CIC: variants seen among roughly 807,000 people sequenced by gnomAD.
CIC encodes capicua transcriptional repressor.
A neutral mutation model predicts 115.7 loss-of-function variants in CIC; 18 were observed. The observed-to-expected ratio is 0.16, with a 90% confidence interval of 0.11 to 0.23. CIC has a LOEUF of 0.23. CIC is among the 10% of genes least tolerant of loss of function. The pLI, the probability that CIC is intolerant of heterozygous loss-of-function variation, is 1.00. For synonymous variants in CIC, 1,076 were observed against 923.0 expected, an observed-to-expected ratio of 1.17 and a Z score of -3.01; for missense variants, 2,000 against 2,159.3, an observed-to-expected ratio of 0.93 and a Z score of 1.46.
chr19:42,289,449 G>A (rs1231530338), intron 9 of CIC, 43 bp downstream of exon 9: 1 of 1,546,292 alleles, frequency 6.5e-7, no homozygotes, highest in Non-Finnish European at 8.8e-7. Context: ...GACCCAGCAG[G>A]CCAAGGCTCA....
Position 42,290,498 on chromosome 19 carries a change from G to C in CIC, c.4457G>C (p.Gly1486Ala). Residue 1486 changes from glycine to alanine, a missense_variant, in exon 11 of 21, where the codon GGG becomes GCG. This residue lies in a region of CIC where 1,466 missense variants were observed against 1,390.4 expected (regional missense o/e 1.05). Coordinates refer to ENST00000681038, the MANE Select transcript of CIC (RefSeq NM_001386298.1). ...TAGPLRPPPP[G>A]AGGPATPSKA... The stretch of plus-strand genomic sequence containing the variant: ...GGCCCCCTACGGCCCCCACCCCCTG[G>C]GGCTGGGGGTCCAGCGACACCTTCC... The C allele has an allele frequency of 6.2e-7, 1 of 1,613,590 alleles. No individual in the cohort carries two copies. The highest frequency in any genetic ancestry group is 2.2e-5 in the East Asian group (1 of 44,876).
chr19:42,290,695 G>A lies in CIC; in HGVS notation c.4654G>A (p.Gly1552Ser), dbSNP rs587778199. 29 of 1,612,844 alleles carry A rather than the reference G, an allele frequency of 1.8e-5. No homozygotes were observed. In the Admixed American group the frequency reaches 2.3e-4, roughly 13 times the overall value. Reference protein sequence around the residue: ...LPPNKEEQEGGGARVPSAPAP... With the variant: ...LPPNKEEQEGSGARVPSAPAP... ...CCCAAACAAGGAGGAGCAAGAGGGC[G>A]GCGGAGCCAGAGTGCCCTCCGCCCC... Residue 1552 changes from glycine (G) to serine (S), a missense_variant, in exon 11 of 21, where the codon GGC (glycine) becomes AGC (serine). This residue lies in a region of CIC where 1,466 missense variants were observed against 1,390.4 expected (regional missense o/e 1.05). Transcript: ENST00000681038.
At chr19:42,284,636 G>A in intron 2 of CIC, 1 of 1,250,012 alleles carries the variant, frequency 8.0e-7, no homozygotes, top group Non-Finnish European at 1.1e-6. Flanking sequence ...CGAGGAGCGG[G>A]CTGCGGGCGG....
At chr19:42,283,463 G>T (rs1303538451) in intron 2 of CIC, among the ~76,000 whole-genome samples, 2 of 152,112 alleles carry the variant, frequency 1.3e-5, no homozygotes, top group Non-Finnish European at 2.9e-5. Flanking sequence ...AGGTATGTGA[G>T]GTGTGACAGC....
chr19:42,291,641 G>A lies in CIC; in HGVS notation c.5509G>A (p.Ala1837Thr), dbSNP rs761259577. The change falls in exon 12 of 21, where the codon GCC (alanine) becomes ACC (threonine). Residue 1837 changes from alanine to threonine, a missense_variant. Transcript: ENST00000681038. ...TGGGAAGGTCCTAGTGCCTCTGGCC[G>A]CCCCTAGCATGTCAGTGCGGGGTGG... ...LPGKVLVPLA[A>T]PSMSVRGGGA... 32 of 1,612,344 alleles carry A rather than the reference G, an allele frequency of 2.0e-5. No homozygotes were observed. The East Asian group carries it at 2.7e-4, about 13-fold the overall frequency.
rs1411966235 is a variant in CIC, at chr19:42,294,983, C to A, written c.7346C>A (p.Pro2449His). 1 of 1,599,222 alleles carries A rather than the reference C, an allele frequency of 6.3e-7. No individual in the cohort carries two copies. The highest frequency in any genetic ancestry group is 1.7e-5 in the Admixed American group (1 of 59,968). Residue 2449 changes from proline to histidine, a missense_variant, in exon 21 of 21, where the codon CCC becomes CAC. Around this residue, in one of 8 missense-constraint regions of CIC, gnomAD observed 133 missense variants for 116.0 expected, o/e 1.15. Transcript: ENST00000681038. The part of the protein sequence containing the change: ...GAEAPLPVPP[P>H]TGTAAAPAPT... ...GAGGCTCCTCTCCCTGTACCGCCCCCCACTGGCACCGCTGCTGCCCCTGCC... is the reference window on the plus strand; with the variant it reads ...GAGGCTCCTCTCCCTGTACCGCCCCACACTGGCACCGCTGCTGCCCCTGCC...
In CIC at chr19:42,295,767, C is replaced by T. The variant is rs2038468233; in HGVS notation, c.*576C>T. 4.7e-6 allele frequency: 1 copy of T among 213,464 alleles called. No individual in the cohort carries two copies. The highest frequency in any genetic ancestry group is 9.5e-6 in the Non-Finnish European group (1 of 105,514). 13.2% of individuals were successfully genotyped at this position (213,464 alleles called of 1,614,324 possible). On this transcript the variant is annotated 3_prime_UTR_variant, in exon 21 of 21. Transcript: ENST00000681038. ...TATTTCTTACTGTGCCGAGAAGCCG[C>T]AATGAGCGAGATTAAAGCTGTTTAA...
intron 12 of CIC, 137 bp downstream of exon 12, chr19:42,291,882 C>T: frequency 8.5e-6 from 11 of 1,296,972 alleles, no homozygotes; most frequent in Non-Finnish European, 1.2e-5. Context: ...TGTCTCTGTG[C>T]ATCCTGACTC....
rs767836880 is a variant in CIC, at chr19:42,291,387, C to G, written c.5346C>G (p.Asn1782Lys). The G allele has an allele frequency of 1.4e-5, 23 of 1,612,412 alleles. No individual in the cohort carries two copies. Among genetic ancestry groups the G allele is most frequent in the Non-Finnish European group, 1.9e-5 (23 of 1,179,752 alleles). The change falls in exon 11 of 21, where the codon AAC (asparagine) becomes AAG (lysine). Residue 1782 changes from asparagine (N) to lysine (K), a missense_variant. Physicochemically the swap from Asn to Lys is moderately conservative, Grantham distance 94. Coordinates refer to ENST00000681038, the MANE Select transcript of CIC (RefSeq NM_001386298.1). ...RFTLPPGTSTNGKVLAATAPT... is the reference protein window; with the variant it reads ...RFTLPPGTSTKGKVLAATAPT... Reference sequence around the variant, plus strand: ...CCCTCCCACCGGGCACTTCCACCAACGGCAAAGTCCTGGCTGCCACTGCAC... The same window carrying G: ...CCCTCCCACCGGGCACTTCCACCAAGGGCAAAGTCCTGGCTGCCACTGCAC...
chr19:42,282,630 A>C (rs552653762), intron 2 of CIC, among the ~76,000 whole-genome samples: 1 of 152,250 alleles, frequency 6.6e-6, no homozygotes, highest in African/African-American at 2.4e-5. Context: ...GTCCACCCTG[A>C]GGTTAAGCCT....
chr19:42,285,711 C>T (rs2147153973), intron 2 of CIC, among the ~76,000 whole-genome samples: 1 of 152,322 alleles, frequency 6.6e-6, no homozygotes, highest in East Asian at 1.9e-4. Flanking sequence ...CCTCTCTCCT[C>T]TGCTGGTTCC....
In CIC at chr19:42,295,535, T is replaced by G. The variant is rs566263113; in HGVS notation, c.*344T>G. On this transcript the variant is annotated 3_prime_UTR_variant, in exon 21 of 21. Transcript: ENST00000681038. ...GGGCCACAGGGAGGCGCCTGTGGAA[T>G]AGGGGGAGTTCATGCACCCCTTTTT... The G allele has an allele frequency of 1.1e-4, 30 of 283,090 alleles. No homozygotes were observed. Among genetic ancestry groups the G allele is most frequent in the African/African-American group, 6.0e-4 (28 of 46,302 alleles). The allele number at this position is 283,090 out of a possible 1,614,324, so 17.5% of individuals were successfully genotyped here.
rs934126884 is a variant in CIC, at chr19:42,293,207, C to G, written c.6448C>G (p.Pro2150Ala). The G allele has an allele frequency of 6.3e-7, 1 of 1,597,678 alleles. No individual in the cohort carries two copies. Among genetic ancestry groups the G allele is most frequent in the Non-Finnish European group, 8.5e-7 (1 of 1,173,204 alleles). Residue 2150 changes from proline to alanine, a missense_variant, in exon 16 of 21, where the codon CCC becomes GCC. Physicochemically the swap from Pro to Ala is conservative, Grantham distance 27. This residue lies in a region of CIC where 1,466 missense variants were observed against 1,390.4 expected (regional missense o/e 1.05). Transcript: ENST00000681038. ...TCCACCCCTGCCAGAGACCTGGACT[C>G]CCACGGCCCGGAGCAGCCCCCCACT... is the stretch of plus-strand genomic sequence containing the variant. ...APPPLPETWT[P>A]TARSSPPLPP...
Position 42,295,737 on chromosome 19 carries a change from T to G in CIC, c.*546T>G, listed in dbSNP as rs2038465702. ...CCCAGAACAAAACATGTTGATCATG[T>G]GCAATATTTCTTACTGTGCCGAGAA... is the stretch of plus-strand genomic sequence containing the variant. On this transcript the variant is annotated 3_prime_UTR_variant, in exon 21 of 21. Coordinates refer to ENST00000681038, the MANE Select transcript of CIC (RefSeq NM_001386298.1). 1 of 221,718 alleles carries G rather than the reference T, an allele frequency of 4.5e-6. No individual in the cohort carries two copies. Among genetic ancestry groups the G allele is most frequent in the African/African-American group, 2.2e-5 (1 of 44,554 alleles). The allele number at this position is 221,718 out of a possible 1,614,324, so 13.7% of individuals were successfully genotyped here.
Position 42,292,864 on chromosome 19 carries a change from G to A in CIC, c.6196+5G>A. 6.2e-7 allele frequency: 1 copy of A among 1,613,860 alleles called. No individual in the cohort carries two copies. The highest frequency in any genetic ancestry group is 8.5e-7 in the Non-Finnish European group (1 of 1,179,992). The stretch of plus-strand genomic sequence containing the variant: ...GCCCTTTCCCCAGCGCCACAGGTAG[G>A]TGTCAGATCAACCCAGAGCAGAGTG... On this transcript the variant is annotated splice_donor_5th_base_variant and intron_variant, in intron 15 of 20. Transcript: ENST00000681038.
chr19:42,272,246 C>T lies in CIC; in HGVS notation c.463C>T (p.Arg155Trp), dbSNP rs1018399170. Residue 155 changes from arginine to tryptophan, a missense_variant, in exon 2 of 21, where the codon CGG (arginine) becomes TGG (tryptophan). Around this residue, in one of 8 missense-constraint regions of CIC, gnomAD observed 222 missense variants for 247.7 expected, o/e 0.90. Coordinates refer to ENST00000681038, the MANE Select transcript of CIC (RefSeq NM_001386298.1). ...GGCCAGTGGCCTGGGGGTGCCTCCA[C>T]GGCCACCCACCTCCACTCGTTCCTC... is the stretch of plus-strand genomic sequence containing the variant. ...EEASGLGVPP[R>W]PPTSTRSSST... 7.5e-6 allele frequency: 3 copies of T among 398,606 alleles called. No individual in the cohort carries two copies. The highest frequency in any genetic ancestry group is 1.3e-4 in the South Asian group (1 of 7,866). The allele number at this position is 398,606 out of a possible 1,614,324, so 24.7% of individuals were successfully genotyped here.
intron 9 of CIC, 132 bp downstream of exon 9, chr19:42,289,538 A>T: frequency 9.5e-7 from 1 of 1,057,660 alleles, no homozygotes; most frequent in Non-Finnish European, 1.4e-6. Context: ...GCATGTGGCC[A>T]GTTCAGGCCC....
intron 12 of CIC, 77 bp downstream of exon 12, chr19:42,291,822 C>G (rs778626111): frequency 3.9e-5 from 61 of 1,546,266 alleles, no homozygotes; most frequent in East Asian, 6.7e-5. Context: ...TTTTTTCAGT[C>G]TTTTCTCCTT....
At chr19:42,293,434 C>T (rs1042872551) in intron 16 of CIC, among the ~76,000 whole-genome samples, 153 bp downstream of exon 16, 6 of 152,226 alleles carry the variant, frequency 3.9e-5, no homozygotes, top group African/African-American at 1.4e-4. Context: ...GTGTTGTCTC[C>T]TCTCCCATCT....
Sources: gnomAD v4.1 joint callset for allele counts (sites outside exome capture counted in the v4.1 genomes callset) on GRCh38, gnomAD v4.1.1 for gene constraint, gnomAD v4.1.1 regional missense constraint, MANE v1.5 for transcripts, NCBI Gene and HGNC (gene_info 2026-07-23, HGNC 2026-07-21) for gene names.